The following PCNX1 variants were observed in gnomAD, a reference collection of about 807,000 sequenced individuals.
PCNX1 encodes pecanex 1.
PCNX1 carries 78 observed loss-of-function variants against 242.2 expected under a neutral mutation model. The observed-to-expected ratio is 0.32, with a 90% CI of 0.27 to 0.39. PCNX1 has a LOEUF of 0.39. Among genes scored for constraint, PCNX1 ranks in the 10% least tolerant of loss-of-function variants. The probability of loss-of-function intolerance (pLI) is 1.00; values close to 1 mark genes in which losing one functional copy is unlikely to be tolerated. For missense variants in PCNX1, 2,581 were observed against 2,856.5 expected, an observed-to-expected ratio of 0.90 and a Z score of 2.20; for synonymous variants, 1,024 against 1,032.9, an observed-to-expected ratio of 0.99 and a Z score of 0.17.
intron 5 of PCNX1, among the ~76,000 whole-genome samples, chr14:70,971,593 C>T (rs1289890562): frequency 6.6e-6 from 1 of 152,202 alleles, no homozygotes; most frequent in East Asian, 1.9e-4. Flanking sequence ...TGTGGCTTCT[C>T]TACTATTAAT....
intron 1 of PCNX1, among the ~76,000 whole-genome samples, chr14:70,910,057 C>G (rs1594862155): frequency 5.0e-5 from 5 of 99,496 alleles, no homozygotes; most frequent in African/African-American, 7.6e-5. Flanking sequence ...CCTCCTCCTC[C>G]TCCTCCCCCT....
chr14:70,928,539 A>G (rs1205868628), intron 1 of PCNX1, among the ~76,000 whole-genome samples: 2 of 152,250 alleles, frequency 1.3e-5, no homozygotes, highest in Non-Finnish European at 2.9e-5. Flanking sequence ...AGTGATTTAT[A>G]CAGTAAAATA....
intron 1 of PCNX1, among the ~76,000 whole-genome samples, chr14:70,935,581 T>C (rs1223904088): frequency 2.0e-5 from 3 of 152,228 alleles, no homozygotes; most frequent in East Asian, 1.9e-4. Flanking sequence ...TACTCTGTTT[T>C]ATCTTTTCCT....
At chr14:71,048,398 A>G (rs565757711) in intron 22 of PCNX1, among the ~76,000 whole-genome samples, 5 of 152,236 alleles carry the variant, frequency 3.3e-5, no homozygotes, top group African/African-American at 7.2e-5. Flanking sequence ...TTGATGTGAT[A>G]TTTGCAGAAT....
chr14:71,084,401 T>TTC (rs1238947173), intron 28 of PCNX1, among the ~76,000 whole-genome samples: 1 of 152,218 alleles, frequency 6.6e-6, no homozygotes, highest in Non-Finnish European at 1.5e-5. Context: ...CGCTGCTCTC[T>TTC]TCAGAGCCAG....
At chr14:70,970,128 G>A (rs1162613647) in intron 5 of PCNX1, 1 of 152,200 alleles carries the variant, frequency 6.6e-6, no homozygotes, top group Admixed American at 6.5e-5. Context: ...GGGAGGCCAA[G>A]GCAGGAGGAT....
At chr14:70,990,474 A>G (rs1401062032) in intron 7 of PCNX1, among the ~76,000 whole-genome samples, 1 of 151,788 alleles carries the variant, frequency 6.6e-6, no homozygotes, top group Non-Finnish European at 1.5e-5. Context: ...CTGAGGCAGG[A>G]GAATTGCCTG....
At chr14:70,951,728 T>G (rs536872019) in intron 2 of PCNX1, among the ~76,000 whole-genome samples, 1 of 152,208 alleles carries the variant, frequency 6.6e-6, no homozygotes. Context: ...TTGTGAGATA[T>G]CTTCATGTGT....
rs376243815 is a variant in PCNX1, at chr14:70,977,559, A to T, written c.1222A>T (p.Thr408Ser). 2 of 1,614,212 alleles carry T rather than the reference A, an allele frequency of 1.2e-6. No homozygotes were observed. The highest frequency in any genetic ancestry group is 1.7e-5 in the Admixed American group (1 of 60,032). ...SSYKSEQTSS[T>S]HIESILSEHE... ...CTATAAAAGTGAGCAGACCAGCTCAACTCACATAGAGAGCATCCTGTCAGA... is the reference window on the plus strand; with the variant it reads ...CTATAAAAGTGAGCAGACCAGCTCATCTCACATAGAGAGCATCCTGTCAGA... The change falls in exon 6 of 36, where the codon ACT becomes TCT. Residue 408 changes from threonine (T) to serine (S), a missense_variant. Thr to Ser is a moderately conservative substitution (Grantham distance 58). Coordinates refer to ENST00000304743, the MANE Select transcript of PCNX1 (RefSeq NM_014982.3).
rs958839081 is a variant in PCNX1 at position 71,047,723 on chromosome 14, A to G, written c.4161-84A>G. ...AATGTATATATTATAAGCTTAGTAAAGTAAATGGTGAATTTTATTTTAAGT... is the reference window on the plus strand; with the variant it reads ...AATGTATATATTATAAGCTTAGTAAGGTAAATGGTGAATTTTATTTTAAGT... On this transcript the variant is annotated intron_variant, in intron 21 of 35. Coordinates refer to ENST00000304743, the MANE Select transcript of PCNX1 (RefSeq NM_014982.3). 2.4e-5 allele frequency: 27 copies of G among 1,144,744 alleles called. 1 individual carries two copies. The Admixed American group carries it at 3.1e-4, about 13-fold the overall frequency. The allele number at this position is 1,144,744 out of a possible 1,614,324, so 70.9% of individuals were successfully genotyped here. A position where few individuals can be genotyped will look rare whatever the true frequency, so the allele number is the denominator to read the frequency against.
chr14:70,931,717 A>G (rs1424631761), intron 1 of PCNX1, among the ~76,000 whole-genome samples: 1 of 152,226 alleles, frequency 6.6e-6, no homozygotes, highest in African/African-American at 2.4e-5. Flanking sequence ...GTTTTTCGCA[A>G]TAAATATGCT....
At chr14:71,103,717 C>G in intron 32 of PCNX1, 48 bp downstream of exon 32, 1 of 1,576,782 alleles carries the variant, frequency 6.3e-7, no homozygotes, top group African/African-American at 1.3e-5. Flanking sequence ...TCCTGACCCT[C>G]TTAATCTAGG....
At chr14:71,026,706 C>CTCT (rs1369994089) in intron 14 of PCNX1, 66 bp from the exon 15 acceptor site, 1 of 649,754 alleles carries the variant, frequency 1.5e-6, no homozygotes, top group Non-Finnish European at 2.5e-6. Flanking sequence ...AAATTATGAC[C>CTCT]TCTCAGTGGA....
intron 1 of PCNX1, among the ~76,000 whole-genome samples, chr14:70,910,215 C>CCTCCTCCTTCTCCTCCTCCTCCTT (rs2055829281): frequency 1.5e-5 from 1 of 67,160 alleles, no homozygotes; most frequent in Non-Finnish European, 3.4e-5. Flanking sequence ...TCGTCCTCCT[C>CCTCCTCCTTCTCCTCCTCCTCCTT]CTCCTCCTCC....
In PCNX1 at chr14:71,011,515, G is replaced by A. The variant is rs748536023; in HGVS notation, c.2744G>A (p.Ser915Asn). The A allele has an allele frequency of 5.1e-6, 8 of 1,575,568 alleles. No homozygotes were observed. Among genetic ancestry groups the A allele is most frequent in the African/African-American group, 4.1e-5 (3 of 73,868 alleles). ...NICDTDSHVS[S>N]STSVRFYPHD... ...AGTGACACAGATTCTCATGTATCCA[G>A]TTCTACCTCAGTTCGATTTTATCCA... is the stretch of plus-strand genomic sequence containing the variant. Residue 915 changes from serine (S) to asparagine (N), a missense_variant, in exon 10 of 36, where the codon AGT becomes AAT. Physicochemically the swap from Ser to Asn is conservative, Grantham distance 46. Transcript: ENST00000304743.
chr14:70,908,027 G>A, intron 1 of PCNX1, 24 bp downstream of exon 1: 1 of 1,542,462 alleles, frequency 6.5e-7, no homozygotes, highest in Non-Finnish European at 8.7e-7. Flanking sequence ...CGGGGAGCGG[G>A]TGGCTCCTTC....
At position 70,976,931 on chromosome 14, in the gene PCNX1, G is replaced by T; in HGVS notation, c.605-11G>T. On this transcript the variant is annotated splice_polypyrimidine_tract_variant and intron_variant, in intron 5 of 35. Coordinates refer to ENST00000304743, the MANE Select transcript of PCNX1 (RefSeq NM_014982.3). ...TTTATTTTAACATTTCAAAATATGT[G>T]TTTGAAACAGATTTGGCAGCTGATC... 6.2e-7 allele frequency: 1 copy of T among 1,604,820 alleles called. No homozygotes were observed. The highest frequency in any genetic ancestry group is 1.7e-5 in the Admixed American group (1 of 59,036).
chr14:71,052,443 G>A (rs1355355928), intron 24 of PCNX1, among the ~76,000 whole-genome samples: 1 of 152,034 alleles, frequency 6.6e-6, no homozygotes, highest in African/African-American at 2.4e-5. Flanking sequence ...AAACTCTTGA[G>A]CTCAAGTGAC....
Position 70,966,908 on chromosome 14 carries a change from T to A in PCNX1, c.469-1290T>A, listed in dbSNP as rs151043862. 2.0e-5 allele frequency among the ~76,000 whole-genome samples: 3 copies of A among 152,326 alleles called. No individual in the cohort carries two copies. The East Asian group carries it at 5.8e-4, about 29-fold the overall frequency. On this transcript the variant is annotated intron_variant, in intron 3 of 35. Coordinates refer to ENST00000304743, the MANE Select transcript of PCNX1 (RefSeq NM_014982.3). ...GAATGAAACTTTTGCGATAAAATGC[T>A]TTTTGGTTTTTTTCTTGCTGGCAAA...
Sources: gnomAD v4.1 joint callset for allele counts (sites outside exome capture counted in the v4.1 genomes callset) on GRCh38, gnomAD v4.1.1 for gene constraint, MANE v1.5 for transcripts, NCBI Gene and HGNC (gene_info 2026-07-23, HGNC 2026-07-21) for gene names.